GART: variants seen among roughly 807,000 people sequenced by gnomAD.
The protein encoded by GART is phosphoribosylglycinamide formyltransferase, phosphoribosylglycinamide synthetase, phosphoribosylaminoimidazole synthetase.
In GART, 43 loss-of-function variants were observed where a neutral mutation model predicts 107.2. That is an observed-to-expected ratio of 0.40 (90% CI 0.31 to 0.52). The LOEUF (loss-of-function observed/expected upper bound fraction) is 0.52, where lower values mean the gene tolerates loss of function less well. GART is among the 20% of genes least tolerant of loss of function. The probability of loss-of-function intolerance (pLI) is 0.52; values close to 1 mark genes in which losing one functional copy is unlikely to be tolerated. For missense variants in GART, 1,107 were observed against 1,206.5 expected, an observed-to-expected ratio of 0.92 and a Z score of 1.22; for synonymous variants, 434 against 427.0, an observed-to-expected ratio of 1.02 and a Z score of -0.20.
chr21:33,505,290 A>T (rs1449589875), intron 20 of GART, among the ~76,000 whole-genome samples: 1 of 152,260 alleles, frequency 6.6e-6, no homozygotes, highest in African/African-American at 2.4e-5. Flanking sequence ...GTGAAACAAA[A>T]CTAAGCTACA....
Position 33,516,988 on chromosome 21 carries a change from C to A in GART, c.2107+1G>T, listed in dbSNP as rs1438738237. Reference sequence around the variant, plus strand: ...ACAGAAGTTCGTTTTAGTGATCTTACCTAAATCTACCCCAAGTTTCTCAGG... The same window carrying A: ...ACAGAAGTTCGTTTTAGTGATCTTAACTAAATCTACCCCAAGTTTCTCAGG... On this transcript the variant is annotated splice_donor_variant, in intron 16 of 21. Transcript: ENST00000381815. LOFTEE classifies it high-confidence loss of function. The A allele has an allele frequency of 6.3e-7, 1 of 1,592,936 alleles. No individual in the cohort carries two copies. Among genetic ancestry groups the A allele is most frequent in the East Asian group, 2.2e-5 (1 of 44,798 alleles).
rs1331548110 is a variant in GART, at chr21:33,511,502, A to C, written c.2108-44T>G. Reference sequence around the variant, plus strand: ...AATTGTTTGATTTTCCTACCTTCTCACACAAAGTACAAAAGTATGCACATA... The same window carrying C: ...AATTGTTTGATTTTCCTACCTTCTCCCACAAAGTACAAAAGTATGCACATA... On this transcript the variant is annotated intron_variant, in intron 16 of 21. Transcript: ENST00000381815. 2.6e-6 allele frequency: 4 copies of C among 1,556,908 alleles called. No individual in the cohort carries two copies. The Admixed American group carries it at 6.7e-5, about 26-fold the overall frequency.
chr21:33,525,041 C>A, intron 10 of GART, 41 bp from the exon 11 acceptor site: 1 of 1,581,604 alleles, frequency 6.3e-7, no homozygotes, highest in Non-Finnish European at 8.6e-7. Flanking sequence ...CAAATAGCAA[C>A]AGTATTTCAC....
rs937787272 is a variant in GART at position 33,519,248 on chromosome 21, G to A, written c.1702+1116C>T. ...AGATGGCACAATTTCTGGTTTAAAT[G>A]GTCATATAAAAGAGGCAGTTTCTGG... On this transcript the variant is annotated intron_variant, in intron 14 of 21. Coordinates refer to ENST00000381815, the MANE Select transcript of GART (RefSeq NM_000819.5). The A allele has an allele frequency of 2.5e-5, 4 of 157,500 alleles. 1 individual carries two copies. Among genetic ancestry groups the A allele is most frequent in the Admixed American group, 6.4e-5 (1 of 15,596 alleles). The allele number at this position is 157,500 out of a possible 1,614,324, so 9.8% of individuals were successfully genotyped here.
intron 15 of GART, 33 bp downstream of exon 15, chr21:33,517,324 C>G: frequency 3.7e-6 from 6 of 1,611,152 alleles, no homozygotes; most frequent in Non-Finnish European, 5.1e-6. Context: ...CAGGCATTTC[C>G]AAGCAGGACA....
At chr21:33,541,114 T>C (rs1256973790) in intron 1 of GART, among the ~76,000 whole-genome samples, 1 of 152,178 alleles carries the variant, frequency 6.6e-6, no homozygotes, top group Non-Finnish European at 1.5e-5. Context: ...TTACTTGCCA[T>C]GTGTATCTGA....
At chr21:33,535,658 TG>T (rs2085290698) in intron 2 of GART, among the ~76,000 whole-genome samples, 1 of 152,198 alleles carries the variant, frequency 6.6e-6, no homozygotes, top group East Asian at 1.9e-4. Flanking sequence ...ACTCAGAAAT[TG>T]GTCTTTTAAT....
chr21:33,506,228 C>T, intron 18 of GART, 124 bp from the exon 19 acceptor site: 1 of 1,019,370 alleles, frequency 9.8e-7, no homozygotes, highest in Non-Finnish European at 1.4e-6. Flanking sequence ...ACTGCAACCT[C>T]CACCTCCCGG....
At chr21:33,531,820 T>A (rs1328663313) in intron 5 of GART, 2 of 411,982 alleles carry the variant, frequency 4.9e-6, no homozygotes, top group East Asian at 7.8e-5. Context: ...CAGTTTCAAA[T>A]AAGGTATGGG....
chr21:33,524,429 T>C (rs1453240458), intron 11 of GART: 1 of 569,366 alleles, frequency 1.8e-6, no homozygotes, highest in East Asian at 1.4e-4. Context: ...CCTGTGCCTG[T>C]AGTCCCAGCT....
intron 4 of GART, among the ~76,000 whole-genome samples, chr21:33,533,093 C>T (rs537254479): frequency 7.2e-4 from 110 of 152,150 alleles, no homozygotes; most frequent in Non-Finnish European, 1.4e-3. Context: ...TCATTAATTG[C>T]TCAATGCTTT....
intron 10 of GART, among the ~76,000 whole-genome samples, chr21:33,527,534 C>T (rs1307082608): frequency 2.0e-5 from 3 of 151,920 alleles, no homozygotes; most frequent in Non-Finnish European, 4.4e-5. Flanking sequence ...AGGAAACCCC[C>T]CAAATACACT....
chr21:33,524,986 G>C lies in GART; in HGVS notation c.1081C>G (p.Gln361Glu). The part of the protein sequence containing the change: ...GVEITGFPEA[Q>E]ALGLEVFHAG... Reference sequence around the variant, plus strand: ...TGGAACACCTCCAGTCCTAGAGCTTGAGCCTCAGGAAACCCTAGAAGAGAG... The same window carrying C: ...TGGAACACCTCCAGTCCTAGAGCTTCAGCCTCAGGAAACCCTAGAAGAGAG... The change falls in exon 11 of 22, where the codon CAA (glutamine) becomes GAA (glutamate). Residue 361 changes from glutamine to glutamate, a missense_variant. Gln to Glu is a conservative substitution (Grantham distance 29). Transcript: ENST00000381815. 1.2e-6 allele frequency: 2 copies of C among 1,614,054 alleles called. No homozygotes were observed. Among genetic ancestry groups the C allele is most frequent in the Non-Finnish European group, 1.7e-6 (2 of 1,180,002 alleles).
At chr21:33,534,476 C>T in intron 4 of GART, 103 bp downstream of exon 4, 1 of 1,290,860 alleles carries the variant, frequency 7.7e-7, no homozygotes, top group Non-Finnish European at 1.1e-6. Flanking sequence ...CTTGGCCTCC[C>T]AAAGTGCTGG....
rs1037588200 is a variant in GART, at chr21:33,520,217, CTA to C, written c.1702+145_1702+146del. The stretch of plus-strand genomic sequence containing the variant: ...CTAAATTTAATTCAGGTAGTTTTAC[CTA>C]TATTTCATTTGTGCATATCACATAT... On this transcript the variant is annotated intron_variant, in intron 14 of 21. Coordinates refer to ENST00000381815, the MANE Select transcript of GART (RefSeq NM_000819.5). 2.1e-4 allele frequency: 142 copies of C among 674,664 alleles called. 1 individual carries two copies. The Middle Eastern group carries it at 2.2e-3, about 10-fold the overall frequency. 41.8% of individuals were successfully genotyped at this position (674,664 alleles called of 1,614,324 possible). A position where few individuals can be genotyped will look rare whatever the true frequency, so the allele number is the denominator to read the frequency against.
Position 33,507,790 on chromosome 21 carries a change from C to T in GART, c.2453-1686G>A, listed in dbSNP as rs2084708692. On this transcript the variant is annotated intron_variant, in intron 18 of 21. Coordinates refer to ENST00000381815, the MANE Select transcript of GART (RefSeq NM_000819.5). ...GAGTTTGCAGTGAGCCGAGTCTGCGCCACTGCACTCCAGCCTGGGCGACAG... is the reference window on the plus strand; with the variant it reads ...GAGTTTGCAGTGAGCCGAGTCTGCGTCACTGCACTCCAGCCTGGGCGACAG... 1.3e-5 allele frequency among the ~76,000 whole-genome samples: 2 copies of T among 152,184 alleles called. 1 individual carries two copies. Among genetic ancestry groups the T allele is most frequent in the South Asian group, 4.1e-4 (2 of 4,828 alleles).
chr21:33,511,584 A>G, intron 16 of GART, 126 bp from the exon 17 acceptor site: 4 of 985,262 alleles, frequency 4.1e-6, no homozygotes, highest in Middle Eastern at 3.3e-4. Context: ...GTAAAACTAT[A>G]AATTGGCCTC....
At chr21:33,541,380 C>T (rs1386582040) in intron 1 of GART, among the ~76,000 whole-genome samples, 1 of 152,216 alleles carries the variant, frequency 6.6e-6, no homozygotes, top group Non-Finnish European at 1.5e-5. Flanking sequence ...CTCCTGACCT[C>T]CAATGGTCAA....
chr21:33,528,273 C>A lies in GART; in HGVS notation c.960G>T (p.Leu320=). Residue 320 remains leucine, a synonymous_variant, in exon 10 of 22, where the codon CTG becomes CTT. Transcript: ENST00000381815. The part of the protein sequence containing the change: ...YEVIQSTLDG[L]LCTSLPVWLE... ...GCCAAACAGGCAGAGATGTGCAGAG[C>A]AGTCCATCTAAGGTGGACTGAATCA... is the stretch of plus-strand genomic sequence containing the variant. 1 of 1,614,104 alleles carries A rather than the reference C, an allele frequency of 6.2e-7. No homozygotes were observed. The highest frequency in any genetic ancestry group is 8.5e-7 in the Non-Finnish European group (1 of 1,179,990).
Sources: allele counts gnomAD v4.1 joint callset (sites outside exome capture counted in the v4.1 genomes callset), GRCh38; gene constraint gnomAD v4.1.1; transcripts MANE v1.5; gene names NCBI Gene and HGNC (gene_info 2026-07-23, HGNC 2026-07-21).